ALDH9A1: variants seen among roughly 807,000 people sequenced by gnomAD.
ALDH9A1 encodes aldehyde dehydrogenase 9 family member A1.
Under a neutral mutation model 56.6 loss-of-function variants are expected in ALDH9A1, and 42 were observed. That is an observed-to-expected ratio of 0.74 (90% CI 0.58 to 0.96). The LOEUF (loss-of-function observed/expected upper bound fraction) is 0.96. Among genes scored for constraint, ALDH9A1 ranks in the 40% least tolerant of loss-of-function variants. The pLI is 0.00. For synonymous variants in ALDH9A1, 242 were observed against 236.0 expected (o/e 1.03, Z -0.23); for missense variants, 661 against 651.5 (o/e 1.01, Z -0.16).
intron 3 of ALDH9A1, 110 bp from the exon 4 acceptor site, chr1:165,682,351 T>C: frequency 8.4e-7 from 1 of 1,192,634 alleles, no homozygotes; most frequent in East Asian, 2.4e-5. Context: ...TCCCCACTTC[T>C]CCCAATACAC....
Position 165,696,785 on chromosome 1 carries a change from G to C in ALDH9A1, c.182-1388C>G, listed in dbSNP as rs185586717. Reference sequence around the variant, plus strand: ...GAGATTTCACAAATCTGCAATTTCTGTTACAAACTTGAATAGCCAGCTGGT... The same window carrying C: ...GAGATTTCACAAATCTGCAATTTCTCTTACAAACTTGAATAGCCAGCTGGT... On this transcript the variant is annotated intron_variant, in intron 1 of 10. Transcript: ENST00000354775. Among the ~76,000 whole-genome samples the C allele has an allele frequency of 1.2e-4, 19 of 152,324 alleles. No homozygotes were observed. In the South Asian group the frequency reaches 3.1e-3, roughly 25 times the overall value.
At chr1:165,695,640 T>C (rs189265439) in intron 1 of ALDH9A1, among the ~76,000 whole-genome samples, 16 of 148,598 alleles carry the variant, frequency 1.1e-4, no homozygotes, top group African/African-American at 4.0e-4. Flanking sequence ...GGACTACCAG[T>C]GCACGCCACT....
intron 1 of ALDH9A1, 82 bp downstream of exon 1, chr1:165,698,296 G>C: frequency 2.6e-6 from 4 of 1,517,728 alleles, no homozygotes; most frequent in Non-Finnish European, 3.5e-6. Flanking sequence ...CAACGCTGCA[G>C]AACACAGGAA....
chr1:165,687,579 T>C (rs1350684913), intron 2 of ALDH9A1, among the ~76,000 whole-genome samples: 2 of 136,514 alleles, frequency 1.5e-5, no homozygotes, highest in Non-Finnish European at 3.2e-5. Context: ...GCAACATCTT[T>C]AAAGTACTGA....
intron 2 of ALDH9A1, 24 bp from the exon 3 acceptor site, chr1:165,683,134 A>G: frequency 1.2e-6 from 2 of 1,611,786 alleles, no homozygotes; most frequent in Non-Finnish European, 1.7e-6. Context: ...AGAAGACTAG[A>G]TTTAAGACAT....
chr1:165,693,405 G>A (rs1300414136), intron 2 of ALDH9A1, among the ~76,000 whole-genome samples: 1 of 152,072 alleles, frequency 6.6e-6, no homozygotes, highest in Non-Finnish European at 1.5e-5. Context: ...GTGGGCAAAG[G>A]ATATGAACAG....
chr1:165,679,084 A>T (rs938310461), intron 6 of ALDH9A1, among the ~76,000 whole-genome samples: 1 of 152,224 alleles, frequency 6.6e-6, no homozygotes, highest in East Asian at 1.9e-4. Context: ...TAACAGTACT[A>T]TATCAATGTT....
At chr1:165,678,346 A>T (rs916276808) in intron 6 of ALDH9A1, among the ~76,000 whole-genome samples, 18 of 152,190 alleles carry the variant, frequency 1.2e-4, no homozygotes, top group African/African-American at 4.3e-4. Context: ...AAAATAAGTA[A>T]GTAAATAAAT....
chr1:165,673,023 T>C (rs574356630), intron 6 of ALDH9A1, among the ~76,000 whole-genome samples: 1 of 118,600 alleles, frequency 8.4e-6, no homozygotes, highest in Non-Finnish European at 1.8e-5. Flanking sequence ...ACGGTTAAAT[T>C]GGTAAATTTT....
intron 6 of ALDH9A1, among the ~76,000 whole-genome samples, chr1:165,671,977 G>A (rs1649192527): frequency 6.6e-6 from 1 of 152,188 alleles, no homozygotes; most frequent in Non-Finnish European, 1.5e-5. Flanking sequence ...TGTTGGCAAG[G>A]ATGTAGAGAA....
intron 1 of ALDH9A1, among the ~76,000 whole-genome samples, chr1:165,697,777 C>T (rs1416264709): frequency 6.6e-6 from 1 of 152,134 alleles, no homozygotes; most frequent in African/African-American, 2.4e-5. Flanking sequence ...GGCTGTAATC[C>T]CAGCACTTTG....
intron 2 of ALDH9A1, among the ~76,000 whole-genome samples, chr1:165,687,390 T>C (rs1279568198): frequency 6.7e-6 from 1 of 150,338 alleles, no homozygotes; most frequent in Non-Finnish European, 1.5e-5. Context: ...GAAAAATACA[T>C]ATGAAGAAAA....
intron 6 of ALDH9A1, among the ~76,000 whole-genome samples, chr1:165,672,521 T>G (rs565193280): frequency 2.0e-5 from 3 of 152,002 alleles, no homozygotes; most frequent in Non-Finnish European, 2.9e-5. Flanking sequence ...AGAAACAGAG[T>G]TATTATTTAA....
At chr1:165,671,774 C>CA in intron 6 of ALDH9A1, 2 of 251,354 alleles carry the variant, frequency 8.0e-6, no homozygotes, top group South Asian at 4.5e-5. Flanking sequence ...GCTTAACTAA[C>CA]AAACAAAAAA....
chr1:165,675,170 G>C (rs1649311314), intron 6 of ALDH9A1, among the ~76,000 whole-genome samples: 1 of 151,994 alleles, frequency 6.6e-6, no homozygotes, highest in Admixed American at 6.6e-5. Context: ...ACTCCAACTT[G>C]GGCTACAGAG....
In ALDH9A1 at chr1:165,665,144, A is replaced by C; in HGVS notation, c.1350-14T>G. The C allele has an allele frequency of 6.2e-7, 1 of 1,607,916 alleles. No individual in the cohort carries two copies. Among genetic ancestry groups the C allele is most frequent in the South Asian group, 1.1e-5 (1 of 90,846 alleles). On this transcript the variant is annotated splice_polypyrimidine_tract_variant and intron_variant, in intron 9 of 10. Coordinates refer to ENST00000354775, the MANE Select transcript of ALDH9A1 (RefSeq NM_000696.4). ...CGTTGGATGTCCCTATGAAGAAAAA[A>C]AAAATGTGTGCATTATTGAGAGTTT...
At chr1:165,667,494 G>A (rs1161865829) in intron 8 of ALDH9A1, 44 bp from the exon 9 acceptor site, 5 of 1,604,306 alleles carry the variant, frequency 3.1e-6, no homozygotes, top group Admixed American at 3.3e-5. Context: ...TGGGACCACA[G>A]TGTGCACCAC....
intron 6 of ALDH9A1, among the ~76,000 whole-genome samples, chr1:165,674,685 C>CAAAAAAAAAA (rs36011778): frequency 1.7e-5 from 2 of 115,542 alleles, no homozygotes; most frequent in African/African-American, 3.4e-5. Flanking sequence ...GACTCCGAAT[C>CAAAAAAAAAA]AAAAAAAAAA....
At chr1:165,685,743 A>G (rs538817583) in intron 2 of ALDH9A1, among the ~76,000 whole-genome samples, 1 of 152,346 alleles carries the variant, frequency 6.6e-6, no homozygotes, top group South Asian at 2.1e-4. Context: ...GAGGGGGACC[A>G]TGGCCAGTTT....
Sources: allele counts gnomAD v4.1 joint callset (sites outside exome capture counted in the v4.1 genomes callset), GRCh38; gene constraint gnomAD v4.1.1; transcripts MANE v1.5; gene names NCBI Gene and HGNC (gene_info 2026-07-23, HGNC 2026-07-21).